Variants in PSG7 observed in about 807,000 individuals in gnomAD.
PSG7 encodes pregnancy specific beta-1-glycoprotein 7, also known as pregnancy-specific beta-1-glycoprotein 7.
Under a neutral mutation model 45.6 loss-of-function variants are expected in PSG7, and 57 were observed. The observed-to-expected ratio is 1.25, with a 90% CI of 1.01 to 1.56. The LOEUF is 1.56. Among genes scored for constraint, PSG7 ranks in the 40% most tolerant of loss-of-function variants. The pLI is 0.00. For missense variants in PSG7, 796 were observed against 508.4 expected (o/e 1.57, Z -5.44); for synonymous variants, 298 against 194.4 (o/e 1.53, Z -4.43).
chr19:42,933,302 TATA>T (rs1404624922), intron 2 of PSG7, among the ~76,000 whole-genome samples: 66 of 23,138 alleles, frequency 2.9e-3, no homozygotes, highest in African/African-American at 6.4e-3. Context: ...TATATATATA[TATA>T]TATTTTTTTT....
At chr19:42,932,559 G>A (rs1028695072) in intron 2 of PSG7, among the ~76,000 whole-genome samples, 3 of 151,388 alleles carry the variant, frequency 2.0e-5, no homozygotes, top group African/African-American at 4.9e-5. Flanking sequence ...ACACCCTGAT[G>A]AGTCCGTGCA....
chr19:42,936,916 G>A, intron 1 of PSG7, 97 bp downstream of exon 1: 3 of 1,541,224 alleles, frequency 1.9e-6, no homozygotes, highest in Non-Finnish European at 2.7e-6. Flanking sequence ...CAAAGTGCTG[G>A]CTTCTTTTAT....
At position 42,926,716 on chromosome 19, in the gene PSG7, G is replaced by T. The variant is rs200513015; in HGVS notation, c.710C>A (p.Pro237Gln). 3 of 1,610,194 alleles carry T rather than the reference G, an allele frequency of 1.9e-6. No homozygotes were observed. The highest frequency in any genetic ancestry group is 4.5e-5 in the East Asian group (2 of 44,802). Residue 237 changes from proline to glutamine, a missense_variant and splice_region_variant, in exon 4 of 6, where the codon CCG becomes CAG. Coordinates refer to ENST00000406070, the MANE Select transcript of PSG7 (RefSeq NM_002783.3). ...GGTGATGTAGGGCTTGGGCAGCTTCGCTGTGTGAATAACAGAGAGAAGATT... is the reference window on the plus strand; with the variant it reads ...GGTGATGTAGGGCTTGGGCAGCTTCTCTGTGTGAATAACAGAGAGAAGATT... ...RSDPVTLNLL[P>Q]KLPKPYITIN...
In PSG7 at chr19:42,926,355, C is replaced by G. The variant is rs1397455386; in HGVS notation, c.988+83G>C. 94 of 1,583,206 alleles carry G rather than the reference C, an allele frequency of 5.9e-5. 6 individuals carry two copies. Among genetic ancestry groups the G allele is most frequent in the Non-Finnish European group, 8.6e-6 (10 of 1,165,042 alleles). ...TGTCTATACTTGGACCGGAGAGAGA[C>G]TGAGAGGACTGGCCTCTGGTCGTTT... On this transcript the variant is annotated intron_variant, in intron 4 of 5. Coordinates refer to ENST00000406070, the MANE Select transcript of PSG7 (RefSeq NM_002783.3).
chr19:42,931,051 T>TG (rs1159973196), intron 2 of PSG7, among the ~76,000 whole-genome samples: 1 of 151,626 alleles, frequency 6.6e-6, no homozygotes, highest in Non-Finnish European at 1.5e-5. Flanking sequence ...GGTTGAGTTT[T>TG]GAGCATTTCA....
chr19:42,924,596 A>AC lies in PSG7; in HGVS notation c.*211_*212insG. The AC allele has an allele frequency of 3.2e-6, 2 of 632,662 alleles. No homozygotes were observed. The highest frequency in any genetic ancestry group is 3.8e-5 in the South Asian group (2 of 52,678). 39.2% of individuals were successfully genotyped at this position (632,662 alleles called of 1,614,324 possible). A position where few individuals can be genotyped will look rare whatever the true frequency, so the allele number is the denominator to read the frequency against. On this transcript the variant is annotated 3_prime_UTR_variant, in exon 6 of 6. Transcript: ENST00000406070. ...AAGCTGTCCACAGTGTGAAGTCATC[A>AC]ACTTGTTTTCCTTGTTTACAGTTTG...
intron 5 of PSG7, 177 bp downstream of exon 5, chr19:42,925,596 G>A: frequency 1.4e-6 from 2 of 1,426,770 alleles, no homozygotes; most frequent in South Asian, 2.9e-5. Context: ...ATATCAGCCT[G>A]TTTGTTAAAG....
Position 42,925,631 on chromosome 19 carries a change from G to C in PSG7, c.1243+142C>G, listed in dbSNP as rs1972864341. ...GTTTTCGAAGTTCTTAGACAAATTT[G>C]GAGGGTTCAGGAGGAAAATTTGGGA... On this transcript the variant is annotated intron_variant, in intron 5 of 5. Coordinates refer to ENST00000406070, the MANE Select transcript of PSG7 (RefSeq NM_002783.3). 9.2e-5 allele frequency: 140 copies of C among 1,522,368 alleles called. 9 individuals are homozygous for C. The South Asian group carries it at 1.7e-3, about 19-fold the overall frequency. 94.3% of individuals were successfully genotyped at this position (1,522,368 alleles called of 1,614,324 possible). A position where few individuals can be genotyped will look rare whatever the true frequency, so the allele number is the denominator to read the frequency against.
At chr19:42,934,546 T>A (rs1568460297) in intron 2 of PSG7, among the ~76,000 whole-genome samples, 1 of 151,658 alleles carries the variant, frequency 6.6e-6, no homozygotes, top group Non-Finnish European at 1.5e-5. Context: ...TTTCATGCTA[T>A]CTGTGAATAA....
rs1030625625 is a variant in PSG7 at position 42,924,928 on chromosome 19, C to G, written c.1244-104G>C. ...ACATAATTTTTCTCTCTATGGGCAT[C>G]TCTAGTTTTACCAATGATAATTTCA... On this transcript the variant is annotated intron_variant, in intron 5 of 5. Transcript: ENST00000406070. 1.8e-5 allele frequency: 13 copies of G among 737,392 alleles called. No individual in the cohort carries two copies. The African/African-American group carries it at 2.1e-4, about 12-fold the overall frequency. 45.7% of individuals were successfully genotyped at this position (737,392 alleles called of 1,614,324 possible).
At position 42,926,501 on chromosome 19, in the gene PSG7, G is replaced by C. The variant is rs574769913; in HGVS notation, c.925C>G (p.Gln309Glu). 103 of 1,611,312 alleles carry C rather than the reference G, an allele frequency of 6.4e-5. 2 individuals are homozygous for C. Among genetic ancestry groups the C allele is most frequent in the Middle Eastern group, 1.8e-4 (1 of 5,694 alleles). ...SVTRNETGPY[Q>E]CEIRDRYGGI... The stretch of plus-strand genomic sequence containing the variant: ...CCATATCGGTCCCGTATTTCACATT[G>C]ATAGGGTCCTGTTTCATTTCTCGTG... The change falls in exon 4 of 6, where the codon CAA (glutamine) becomes GAA (glutamate). Residue 309 changes from glutamine (Q) to glutamate (E), a missense_variant. Transcript: ENST00000406070.
At chr19:42,927,342 T>G (rs532428501) in intron 3 of PSG7, 1 of 157,968 alleles carries the variant, frequency 6.3e-6, no homozygotes, top group South Asian at 1.9e-4. Flanking sequence ...ATGACTTACT[T>G]GAACCAGTGA....
At chr19:42,935,053 CA>C (rs1175056189) in intron 2 of PSG7, among the ~76,000 whole-genome samples, 5 of 151,618 alleles carry the variant, frequency 3.3e-5, no homozygotes, top group Admixed American at 6.6e-5. Flanking sequence ...CTGAGGGTCT[CA>C]GGGGGCCCCT....
At chr19:42,936,878 A>G in intron 1 of PSG7, 135 bp downstream of exon 1, 2 of 1,345,344 alleles carry the variant, frequency 1.5e-6, no homozygotes, top group Non-Finnish European at 2.1e-6. Flanking sequence ...TGAACTCCTG[A>G]TCTCTTGATC....
intron 3 of PSG7, among the ~76,000 whole-genome samples, chr19:42,928,364 C>A (rs1204314795): frequency 6.6e-6 from 1 of 151,486 alleles, no homozygotes; most frequent in Non-Finnish European, 1.5e-5. Context: ...ATCTGCAACT[C>A]ACTTTGCGTA....
intron 2 of PSG7, among the ~76,000 whole-genome samples, chr19:42,931,566 C>T (rs780158299): frequency 1.6e-4 from 25 of 151,542 alleles, no homozygotes; most frequent in Non-Finnish European, 3.4e-4. Context: ...TTCATTTTCT[C>T]TTAAGCTCAG....
At position 42,926,884 on chromosome 19, in the gene PSG7, A is replaced by G; in HGVS notation, c.710-168T>C. The G allele has an allele frequency of 2.3e-6, 3 of 1,312,680 alleles. No individual in the cohort carries two copies. In the South Asian group the frequency reaches 4.4e-5, roughly 19 times the overall value. 81.3% of individuals were successfully genotyped at this position (1,312,680 alleles called of 1,614,324 possible). The stretch of plus-strand genomic sequence containing the variant: ...AGATGCATGATGATCTAAGGGCTCA[A>G]AGACTGTGAGGCCACCTGCTCAGTC... On this transcript the variant is annotated intron_variant, in intron 3 of 5. Coordinates refer to ENST00000406070, the MANE Select transcript of PSG7 (RefSeq NM_002783.3).
Position 42,925,299 on chromosome 19 carries a change from T to C in PSG7, c.1243+474A>G, listed in dbSNP as rs144078572. 2.0e-3 allele frequency: 626 copies of C among 320,438 alleles called. 12 individuals are homozygous for C. The highest frequency in any genetic ancestry group is 0.013 in the African/African-American group (574 of 45,588). 19.8% of individuals were successfully genotyped at this position (320,438 alleles called of 1,614,324 possible). ...TACTCTGTTTGTGCAAATATCTGTATTACCATAAACATATCAATACTCATG... is the reference window on the plus strand; with the variant it reads ...TACTCTGTTTGTGCAAATATCTGTACTACCATAAACATATCAATACTCATG... On this transcript the variant is annotated intron_variant, in intron 5 of 5. Transcript: ENST00000406070.
chr19:42,930,500 G>C (rs374937699), intron 2 of PSG7, among the ~76,000 whole-genome samples: 4 of 151,854 alleles, frequency 2.6e-5, no homozygotes, highest in African/African-American at 9.7e-5. Flanking sequence ...GGACCATGTG[G>C]ATCTTTCTAG....
Sources: gnomAD v4.1 joint callset for allele counts (sites outside exome capture counted in the v4.1 genomes callset) on GRCh38, gnomAD v4.1.1 for gene constraint, MANE v1.5 for transcripts, NCBI Gene and HGNC (gene_info 2026-07-23, HGNC 2026-07-21) for gene names.